SLC35D1: variants seen among roughly 807,000 people sequenced by gnomAD.
The protein encoded by SLC35D1 is nucleotide sugar transporter SLC35D1.
In SLC35D1, 31 loss-of-function variants were observed where a neutral mutation model predicts 46.7. The ratio of observed to expected loss-of-function variants is 0.66; its 90% CI spans 0.50 to 0.90. The LOEUF is 0.90. Among genes scored for constraint, SLC35D1 ranks in the 40% least tolerant of loss-of-function variants. The pLI is 0.00. For synonymous variants in SLC35D1, 195 were observed against 164.6 expected, an observed-to-expected ratio of 1.18 and a Z score of -1.41; for missense variants, 397 against 426.2, an observed-to-expected ratio of 0.93 and a Z score of 0.60.
chr1:67,036,491 T>C (rs1668125345), intron 8 of SLC35D1, among the ~76,000 whole-genome samples: 1 of 152,154 alleles, frequency 6.6e-6, no homozygotes, highest in South Asian at 2.1e-4. Flanking sequence ...ACAACTGTTA[T>C]ATCCTCTTGC....
chr1:66,998,970 G>A (rs1231889687), downstream of SLC35D1, among the ~76,000 whole-genome samples: 1 of 152,036 alleles, frequency 6.6e-6, no homozygotes, highest in Non-Finnish European at 1.5e-5. Flanking sequence ...GTCTAAGATG[G>A]TATATTTTAT....
At position 67,053,915 on chromosome 1, in the gene SLC35D1, C is replaced by T. The variant is rs1418322629; in HGVS notation, c.99G>A (p.Ser33=). 2 of 1,613,792 alleles carry T rather than the reference C, an allele frequency of 1.2e-6. No homozygotes were observed. Among genetic ancestry groups the T allele is most frequent in the Non-Finnish European group, 1.7e-6 (2 of 1,179,754 alleles). Residue 33 remains serine (S), a synonymous_variant, in exon 1 of 12, where the codon TCG becomes TCA. Transcript: ENST00000235345. ...LRDEEELGMA[S]AETLTVFLKL... ...TCAGAAACACGGTCAGCGTTTCGGC[C>T]GACGCCATCCCCAGCTCCTCCTCAT...
At chr1:67,052,126 T>C in intron 3 of SLC35D1, 47 bp from the exon 4 acceptor site, 2 of 1,270,786 alleles carry the variant, frequency 1.6e-6, no homozygotes, top group East Asian at 2.3e-5. Context: ...TAAAGATAGC[T>C]AAAACAAGGT....
intron 8 of SLC35D1, among the ~76,000 whole-genome samples, chr1:67,035,424 G>C (rs1668103465): frequency 6.6e-6 from 1 of 152,094 alleles, no homozygotes; most frequent in Non-Finnish European, 1.5e-5. Context: ...AATCTTGGTA[G>C]GTTGTATGTG....
At chr1:67,050,026 A>G (rs962958757) in intron 5 of SLC35D1, among the ~76,000 whole-genome samples, 176 bp from the exon 6 acceptor site, 1 of 152,254 alleles carries the variant, frequency 6.6e-6, no homozygotes. Flanking sequence ...TTATTGTTAT[A>G]TAAGTTATTA....
At chr1:67,014,205 G>A (rs1467485466) in intron 10 of SLC35D1, among the ~76,000 whole-genome samples, 1 of 152,098 alleles carries the variant, frequency 6.6e-6, no homozygotes, top group Non-Finnish European at 1.5e-5. Context: ...GTTCCTATAA[G>A]TCTGTTACCT....
chr1:66,979,137 CT>C, the SLC35D1 span, among the ~76,000 whole-genome samples: 1 of 151,070 alleles, frequency 6.6e-6, no homozygotes, highest in Non-Finnish European at 1.5e-5. Flanking sequence ...AAGAATCATA[CT>C]TTTTTACTGA....
the SLC35D1 span, among the ~76,000 whole-genome samples, chr1:66,982,758 G>A: frequency 1.7e-4 from 26 of 152,174 alleles, no homozygotes; most frequent in Admixed American, 1.6e-3. Context: ...CTGCTGGAGT[G>A]TATATGCTTA....
chr1:67,044,641 C>T (rs981523278), intron 7 of SLC35D1, among the ~76,000 whole-genome samples: 23 of 152,174 alleles, frequency 1.5e-4, no homozygotes, highest in Admixed American at 1.4e-3. Flanking sequence ...CTTCCTCTTG[C>T]TTATCCATGT....
rs184734738 is a variant in SLC35D1 at position 67,018,520 on chromosome 1, A to G, written c.876+1849T>C. 3.3e-5 allele frequency among the ~76,000 whole-genome samples: 5 copies of G among 152,326 alleles called. No homozygotes were observed. In the East Asian group the frequency reaches 9.6e-4, roughly 29 times the overall value. On this transcript the variant is annotated intron_variant, in intron 10 of 11. Transcript: ENST00000235345. Reference sequence around the variant, plus strand: ...AAGCACAGAAGAGTCATGATAGCTCAAAACTAAGACTGCAATTCTCAAACT... The same window carrying G: ...AAGCACAGAAGAGTCATGATAGCTCGAAACTAAGACTGCAATTCTCAAACT...
At chr1:67,019,501 C>T (rs951759125) in intron 10 of SLC35D1, among the ~76,000 whole-genome samples, 1 of 152,182 alleles carries the variant, frequency 6.6e-6, no homozygotes, top group African/African-American at 2.4e-5. Context: ...AATCTAGTCT[C>T]TAAACTGAGA....
downstream of SLC35D1, among the ~76,000 whole-genome samples, chr1:66,997,289 T>C (rs550288244): frequency 5.0e-4 from 76 of 152,014 alleles, no homozygotes; most frequent in African/African-American, 1.6e-3. Context: ...GGCAGGCAGA[T>C]TGCTTGAGCC....
At chr1:67,034,730 G>A (rs916364089) in intron 8 of SLC35D1, among the ~76,000 whole-genome samples, 4 of 152,070 alleles carry the variant, frequency 2.6e-5, no homozygotes, top group African/African-American at 9.7e-5. Flanking sequence ...GAGTAACAGT[G>A]GTGAAAGTGG....
chr1:67,035,505 G>A (rs753113177), intron 8 of SLC35D1, among the ~76,000 whole-genome samples: 1 of 152,040 alleles, frequency 6.6e-6, no homozygotes, highest in African/African-American at 2.4e-5. Flanking sequence ...AGCCAATAAT[G>A]ATCTTTTGAA....
the SLC35D1 span, among the ~76,000 whole-genome samples, chr1:66,979,847 C>T: frequency 2.6e-5 from 4 of 151,960 alleles, no homozygotes; most frequent in Admixed American, 2.6e-4. Flanking sequence ...TCACTGCAAC[C>T]TCCACCGCCC....
the SLC35D1 span, chr1:66,976,765 T>A: frequency 2.8e-6 from 4 of 1,444,566 alleles, no homozygotes; most frequent in Non-Finnish European, 3.7e-6. Flanking sequence ...ACATTTTTGC[T>A]AAGCTTTTCT....
intron 7 of SLC35D1, among the ~76,000 whole-genome samples, chr1:67,044,720 C>T (rs914477922): frequency 1.3e-5 from 2 of 152,082 alleles, no homozygotes; most frequent in Non-Finnish European, 2.9e-5. Context: ...GTTTTAAATT[C>T]GATAGCCACA....
At chr1:67,041,704 G>A (rs2815374) in intron 8 of SLC35D1, among the ~76,000 whole-genome samples, 91,795 of 151,942 alleles carry the variant, frequency 0.6, 29,139 homozygotes, top group East Asian at 0.84. Flanking sequence ...CTAGACATTT[G>A]CAGAAAATTG....
chr1:67,021,516 C>G lies in SLC35D1; in HGVS notation c.797+19G>C, dbSNP rs767737815. 9.3e-6 allele frequency: 15 copies of G among 1,613,244 alleles called. No homozygotes were observed. The highest frequency in any genetic ancestry group is 1.3e-5 in the Non-Finnish European group (15 of 1,179,294). ...TTTCTTTAGGAAAACTATCTGCTAA[C>G]AAGGTAACAAAGGCTTACCCCATCA... On this transcript the variant is annotated intron_variant, in intron 9 of 11. Coordinates refer to ENST00000235345, the MANE Select transcript of SLC35D1 (RefSeq NM_015139.3).
Sources: allele counts gnomAD v4.1 joint callset (sites outside exome capture counted in the v4.1 genomes callset), GRCh38; gene constraint gnomAD v4.1.1; transcripts MANE v1.5; gene names NCBI Gene and HGNC (gene_info 2026-07-23, HGNC 2026-07-21).